RNF121: variants seen among roughly 807,000 people sequenced by gnomAD.
RNF121 encodes the protein E3 ubiquitin ligase RNF121.
In RNF121, 21 loss-of-function variants were observed where a neutral mutation model predicts 46.5. The observed-to-expected ratio is 0.45, with a 90% CI of 0.32 to 0.65. The LOEUF (loss-of-function observed/expected upper bound fraction) is 0.65. Ranked by LOEUF, RNF121 falls within the 30% of genes least tolerant of loss-of-function variation. RNF121 has a pLI of 0.04. For synonymous variants in RNF121, 139 were observed against 144.7 expected, an observed-to-expected ratio of 0.96 and a Z score of 0.28; for missense variants, 346 against 416.0, an observed-to-expected ratio of 0.83 and a Z score of 1.46.
intron 1 of RNF121, among the ~76,000 whole-genome samples, chr11:71,951,283 TAGAG>T (rs1953872170): frequency 6.6e-6 from 1 of 151,668 alleles, no homozygotes; most frequent in Admixed American, 6.6e-5. Context: ...AACTGAGGCA[TAGAG>T]AGAGGTACCC....
chr11:71,996,173 C>T lies in RNF121; in HGVS notation c.864-22C>T, dbSNP rs571540038. On this transcript the variant is annotated intron_variant, in intron 8 of 8. Transcript: ENST00000361756. ...TCCTGGCAGCTCTTGCACAGAGTCT[C>T]TTTTCTTTAACACACTGACAGCTGG... is the stretch of plus-strand genomic sequence containing the variant. The T allele has an allele frequency of 1.8e-5, 29 of 1,613,718 alleles. No homozygotes were observed. The South Asian group carries it at 3.2e-4, about 18-fold the overall frequency.
chr11:71,948,082 CTGCAG>C (rs1953768615), intron 1 of RNF121, among the ~76,000 whole-genome samples: 1 of 152,086 alleles, frequency 6.6e-6, no homozygotes, highest in Non-Finnish European at 1.5e-5. Flanking sequence ...ATATGGAAAG[CTGCAG>C]TGCATATAGG....
At chr11:71,989,644 A>G (rs1173904709) in intron 5 of RNF121, among the ~76,000 whole-genome samples, 2 of 152,184 alleles carry the variant, frequency 1.3e-5, no homozygotes, top group Non-Finnish European at 2.9e-5. Flanking sequence ...ATTTTCTATA[A>G]CAAAGATTTA....
intron 6 of RNF121, among the ~76,000 whole-genome samples, chr11:71,993,505 C>T (rs1954907615): frequency 1.3e-5 from 2 of 152,104 alleles, no homozygotes; most frequent in Admixed American, 1.3e-4. Context: ...GTAGTGTTTT[C>T]AGAGTTCATC....
chr11:71,963,267 A>G (rs745589741), intron 3 of RNF121, among the ~76,000 whole-genome samples: 1 of 152,160 alleles, frequency 6.6e-6, no homozygotes, highest in African/African-American at 2.4e-5. Context: ...TTAGTGTCAT[A>G]TCTAAGAATC....
chr11:71,988,947 C>T (rs1954817673), intron 5 of RNF121, among the ~76,000 whole-genome samples: 1 of 152,188 alleles, frequency 6.6e-6, no homozygotes, highest in Non-Finnish European at 1.5e-5. Context: ...AGGAATTCAT[C>T]ACTGTAGAGT....
Position 71,937,661 on chromosome 11 carries a change from T to C in RNF121, c.63+8537T>C, listed in dbSNP as rs78379377. 3.4e-3 allele frequency among the ~76,000 whole-genome samples: 512 copies of C among 152,318 alleles called. 7 individuals are homozygous for C. Among genetic ancestry groups the C allele is most frequent in the African/African-American group, 0.011 (463 of 41,570 alleles). ...TCCTTCAGATTGGATTAGATTCTTA[T>C]TTCTGTATTGCTTCAACTTTTTAGT... On this transcript the variant is annotated intron_variant, in intron 1 of 8. Transcript: ENST00000361756.
chr11:71,965,114 T>G (rs1400280950), intron 3 of RNF121, among the ~76,000 whole-genome samples: 1 of 152,162 alleles, frequency 6.6e-6, no homozygotes, highest in African/African-American at 2.4e-5. Context: ...ATAGGAAAAA[T>G]CTGCAAGTGT....
chr11:71,989,070 TTTTGTTTGTTTGTTTG>T (rs10654699), intron 5 of RNF121, among the ~76,000 whole-genome samples: 1 of 150,166 alleles, frequency 6.7e-6, no homozygotes, highest in Non-Finnish European at 1.5e-5. Context: ...CATTATGGTT[TTTTGTTTGTTTGTTTG>T]TTTGTTTGTT....
chr11:71,966,994 C>T (rs1313605714), intron 3 of RNF121, among the ~76,000 whole-genome samples: 1 of 148,760 alleles, frequency 6.7e-6, no homozygotes, highest in Non-Finnish European at 1.5e-5. Flanking sequence ...GCCTCAGCCT[C>T]CCGAGTAGCT....
chr11:71,990,914 G>T, intron 6 of RNF121, 197 bp downstream of exon 6: 1 of 652,034 alleles, frequency 1.5e-6, no homozygotes, highest in East Asian at 2.8e-5. Context: ...AAAACCATGT[G>T]CGTTGCAGCA....
At chr11:71,957,700 TCA>T (rs908749939) in intron 2 of RNF121, among the ~76,000 whole-genome samples, 9 of 152,182 alleles carry the variant, frequency 5.9e-5, no homozygotes, top group Admixed American at 2.0e-4. Context: ...ATTAACATCA[TCA>T]TTATTATCCA....
intron 1 of RNF121, among the ~76,000 whole-genome samples, chr11:71,932,899 C>T (rs1016050947): frequency 6.6e-6 from 1 of 152,124 alleles, no homozygotes; most frequent in Non-Finnish European, 1.5e-5. Context: ...CTGCTGAACC[C>T]CTTTTCAGGA....
intron 1 of RNF121, among the ~76,000 whole-genome samples, chr11:71,942,965 C>T (rs1013064297): frequency 1.4e-4 from 21 of 152,134 alleles, no homozygotes; most frequent in South Asian, 8.3e-4. Context: ...AAGGGACACA[C>T]AGCCTCCCTA....
At chr11:71,930,603 T>C (rs892510679) in intron 1 of RNF121, among the ~76,000 whole-genome samples, 14 of 152,192 alleles carry the variant, frequency 9.2e-5, no homozygotes, top group African/African-American at 3.1e-4. Flanking sequence ...GGAAATGACC[T>C]CCAAGACCCC....
chr11:71,966,839 T>C (rs1300116112), intron 3 of RNF121, among the ~76,000 whole-genome samples: 2 of 146,736 alleles, frequency 1.4e-5, no homozygotes, highest in Non-Finnish European at 3.0e-5. Context: ...TCTACTTTAT[T>C]ATATTTAAAT....
chr11:71,944,484 A>C (rs1314944045), intron 1 of RNF121, among the ~76,000 whole-genome samples: 1 of 152,212 alleles, frequency 6.6e-6, no homozygotes, highest in Non-Finnish European at 1.5e-5. Context: ...TAATTCTAAA[A>C]TGCACATAAT....
intron 3 of RNF121, among the ~76,000 whole-genome samples, 162 bp from the exon 4 acceptor site, chr11:71,982,599 G>A (rs1456413315): frequency 6.6e-6 from 1 of 152,190 alleles, no homozygotes; most frequent in Non-Finnish European, 1.5e-5. Flanking sequence ...GTCAAATATG[G>A]TCCTAAGTCT....
chr11:71,994,120 G>A (rs905825410), intron 6 of RNF121, among the ~76,000 whole-genome samples: 3 of 152,092 alleles, frequency 2.0e-5, no homozygotes, highest in Non-Finnish European at 4.4e-5. Context: ...GGTTACAGGC[G>A]TCAGCCACCG....
Sources: allele counts gnomAD v4.1 joint callset (sites outside exome capture counted in the v4.1 genomes callset), GRCh38; gene constraint gnomAD v4.1.1; transcripts MANE v1.5; gene names NCBI Gene and HGNC (gene_info 2026-07-23, HGNC 2026-07-21).